Variants in TMEM132D observed in about 807,000 individuals in gnomAD.
The protein encoded by TMEM132D is transmembrane protein 132D.
In TMEM132D, 21 loss-of-function variants were observed where a neutral mutation model predicts 62.3. The ratio of observed to expected loss-of-function variants is 0.34; its 90% CI spans 0.24 to 0.49. The LOEUF is 0.49. Ranked by LOEUF, TMEM132D falls within the 20% of genes least tolerant of loss-of-function variation. The pLI is 0.99. For synonymous variants in TMEM132D, 621 were observed against 575.6 expected (o/e 1.08, Z -1.13); for missense variants, 1,346 against 1,402.8 (o/e 0.96, Z 0.65).
chr12:129,891,989 G>A (rs959211818), intron 1 of TMEM132D, among the ~76,000 whole-genome samples: 65 of 152,164 alleles, frequency 4.3e-4, no homozygotes, highest in African/African-American at 1.5e-3. Context: ...ATAATTTGAA[G>A]TAGCTCACAA....
At chr12:129,762,331 T>G (rs1338056790) in intron 1 of TMEM132D, among the ~76,000 whole-genome samples, 1 of 152,020 alleles carries the variant, frequency 6.6e-6, no homozygotes, top group African/African-American at 2.4e-5. Context: ...CTCTGCTTGG[T>G]TAAGATGGGC....
intron 3 of TMEM132D, among the ~76,000 whole-genome samples, chr12:129,434,910 T>C (rs985286061): frequency 2.0e-5 from 3 of 152,078 alleles, no homozygotes; most frequent in African/African-American, 7.2e-5. Flanking sequence ...CACCAGAACT[T>C]ATTCCCCCAT....
intron 3 of TMEM132D, among the ~76,000 whole-genome samples, chr12:129,431,539 C>T (rs1337902608): frequency 6.6e-6 from 1 of 152,190 alleles, no homozygotes; most frequent in Admixed American, 6.5e-5. Flanking sequence ...GATCCAGGTT[C>T]TAACCACATC....
intron 2 of TMEM132D, 124 bp downstream of exon 2, chr12:129,699,686 T>A (rs906894054): frequency 1.6e-6 from 2 of 1,235,742 alleles, no homozygotes; most frequent in African/African-American, 1.5e-5. Flanking sequence ...AGATGGAGTT[T>A]GTAAGAACGG....
At chr12:129,260,464 C>T (rs752098499) in intron 4 of TMEM132D, among the ~76,000 whole-genome samples, 79 of 152,262 alleles carry the variant, frequency 5.2e-4, no homozygotes, top group Non-Finnish European at 9.4e-4. Context: ...AAAATGTTCA[C>T]AGGAAAATGG....
chr12:129,443,031 G>C (rs1022887374), intron 3 of TMEM132D, among the ~76,000 whole-genome samples: 1 of 152,040 alleles, frequency 6.6e-6, no homozygotes, highest in African/African-American at 2.4e-5. Flanking sequence ...GAGAGGCCAG[G>C]CACCCTTGCT....
At chr12:129,838,516 A>C (rs1351810014) in intron 1 of TMEM132D, among the ~76,000 whole-genome samples, 1 of 152,232 alleles carries the variant, frequency 6.6e-6, no homozygotes, top group African/African-American at 2.4e-5. Flanking sequence ...CACTGAATCC[A>C]AAGAAAGAGG....
chr12:129,809,584 A>C (rs777759007), intron 1 of TMEM132D, among the ~76,000 whole-genome samples: 1 of 152,136 alleles, frequency 6.6e-6, no homozygotes, highest in Non-Finnish European at 1.5e-5. Context: ...CATCCTCAAC[A>C]TTATCAAGTC....
chr12:129,092,863 A>C (rs1874975374), intron 5 of TMEM132D, among the ~76,000 whole-genome samples: 1 of 152,204 alleles, frequency 6.6e-6, no homozygotes, highest in African/African-American at 2.4e-5. Context: ...CCAGATAAGA[A>C]CATTGAAGCT....
chr12:129,389,408 C>T (rs1381127079), intron 3 of TMEM132D, among the ~76,000 whole-genome samples: 1 of 152,084 alleles, frequency 6.6e-6, no homozygotes, highest in Admixed American at 6.5e-5. Context: ...GGAACACCCA[C>T]ATCAATACTA....
At chr12:129,791,836 G>A (rs935833) in intron 1 of TMEM132D, among the ~76,000 whole-genome samples, 82,599 of 152,000 alleles carry the variant, frequency 0.54, 23,844 homozygotes, top group Non-Finnish European at 0.65. Context: ...TCAAACAGCC[G>A]TCAGCAGACT....
At chr12:129,275,385 T>A (rs1880976310) in intron 4 of TMEM132D, among the ~76,000 whole-genome samples, 1 of 152,140 alleles carries the variant, frequency 6.6e-6, no homozygotes, top group Non-Finnish European at 1.5e-5. Flanking sequence ...CTACCCCAAA[T>A]CATGAGACTT....
At chr12:129,324,340 G>T (rs1422773940) in intron 4 of TMEM132D, among the ~76,000 whole-genome samples, 1 of 152,162 alleles carries the variant, frequency 6.6e-6, no homozygotes, top group Non-Finnish European at 1.5e-5. Context: ...AAACCAGTTT[G>T]GTTTGAATTT....
chr12:129,345,619 C>G (rs1341938374), intron 3 of TMEM132D, among the ~76,000 whole-genome samples: 1 of 152,158 alleles, frequency 6.6e-6, no homozygotes, highest in African/African-American at 2.4e-5. Context: ...GATGAAATAT[C>G]ATATGTTCAA....
chr12:129,084,622 G>T lies in TMEM132D; in HGVS notation c.1524C>A (p.Tyr508Ter). The change falls in exon 6 of 9, where the codon TAC (tyrosine) becomes TAA (stop). Residue 508 changes from tyrosine to a stop codon, truncating the protein, a stop_gained. Coordinates refer to ENST00000422113, the MANE Select transcript of TMEM132D (RefSeq NM_133448.3). LOFTEE classifies it high-confidence loss of function. Reference sequence around the variant, plus strand: ...TCTCCAGGGGGCTGCTCAGGTGCTGGTAGGTGAAGTTCACCACCACGTTGA... The same window carrying T: ...TCTCCAGGGGGCTGCTCAGGTGCTGTTAGGTGAAGTTCACCACCACGTTGA... ...GKVNVVVNFT[Y>*]QHLSSPLEMT... 1 of 1,614,138 alleles carries T rather than the reference G, an allele frequency of 6.2e-7. No individual in the cohort carries two copies. Among genetic ancestry groups the T allele is most frequent in the Non-Finnish European group, 8.5e-7 (1 of 1,180,006 alleles).
At chr12:129,239,113 G>T (rs563564489) in intron 4 of TMEM132D, among the ~76,000 whole-genome samples, 1 of 148,636 alleles carries the variant, frequency 6.7e-6, no homozygotes. Flanking sequence ...TCACGTGCTT[G>T]TTATTACCCA....
intron 2 of TMEM132D, among the ~76,000 whole-genome samples, chr12:129,675,609 A>G (rs1182817212): frequency 6.6e-6 from 1 of 152,234 alleles, no homozygotes; most frequent in East Asian, 1.9e-4. Context: ...TTCCATGATA[A>G]GAAGGAAAAG....
intron 5 of TMEM132D, among the ~76,000 whole-genome samples, chr12:129,141,615 C>T (rs765760080): frequency 2.2e-4 from 34 of 151,994 alleles, no homozygotes; most frequent in Admixed American, 6.6e-4. Flanking sequence ...TGAATTTGAC[C>T]GAGCATGACC....
In TMEM132D at chr12:129,591,340, C is replaced by T. The variant is rs1878185159; in HGVS notation, c.969-60135G>A. Reference sequence around the variant, plus strand: ...ATGGTGGTAAAATTCCTAGAGCATGCATCATCCATATCATCAAACAGCAAT... The same window carrying T: ...ATGGTGGTAAAATTCCTAGAGCATGTATCATCCATATCATCAAACAGCAAT... On this transcript the variant is annotated intron_variant, in intron 2 of 8. Transcript: ENST00000422113. Among the ~76,000 whole-genome samples, 4 of 152,278 alleles carry T rather than the reference C, an allele frequency of 2.6e-5. 1 individual carries two copies. The South Asian group carries it at 8.3e-4, about 32-fold the overall frequency.
Sources: gnomAD v4.1 joint callset for allele counts (sites outside exome capture counted in the v4.1 genomes callset) on GRCh38, gnomAD v4.1.1 for gene constraint, MANE v1.5 for transcripts, NCBI Gene and HGNC (gene_info 2026-07-23, HGNC 2026-07-21) for gene names.